Variants in RB1 observed in about 807,000 individuals in gnomAD.
RB1 encodes retinoblastoma-associated protein.
A neutral mutation model predicts 135.4 loss-of-function variants in RB1; 18 were observed. The ratio of observed to expected loss-of-function variants is 0.13; its 90% CI spans 0.09 to 0.20. The LOEUF (loss-of-function observed/expected upper bound fraction) is 0.20. RB1 is among the 10% of genes least tolerant of loss of function. RB1 has a pLI of 1.00. For synonymous variants in RB1, 365 were observed against 373.2 expected (o/e 0.98, Z 0.25); for missense variants, 868 against 1,110.0 (o/e 0.78, Z 3.10).
intron 11 of RB1, among the ~76,000 whole-genome samples, chr13:48,369,509 G>A (rs1952736888): frequency 6.6e-6 from 1 of 152,138 alleles, no homozygotes. Flanking sequence ...TAAACCCACT[G>A]ACTGCTTCCC....
chr13:48,413,314 T>C (rs1782497699), intron 17 of RB1, among the ~76,000 whole-genome samples: 1 of 152,200 alleles, frequency 6.6e-6, no homozygotes, highest in South Asian at 2.1e-4. Context: ...TCTTTTTATG[T>C]GGAAATGCCT....
intron 23 of RB1, among the ~76,000 whole-genome samples, chr13:48,472,995 A>G (rs1384462685): frequency 6.6e-6 from 1 of 152,190 alleles, no homozygotes; most frequent in Non-Finnish European, 1.5e-5. Flanking sequence ...GTTTTTTCCA[A>G]ATATAACTTG....
intron 23 of RB1, among the ~76,000 whole-genome samples, chr13:48,471,507 A>G (rs1284271261): frequency 1.5e-5 from 2 of 133,786 alleles, no homozygotes; most frequent in Non-Finnish European, 3.2e-5. Flanking sequence ...ACATGTATAC[A>G]TATGTAACTA....
At chr13:48,471,468 C>T (rs1384679314) in intron 23 of RB1, among the ~76,000 whole-genome samples, 263 of 120,664 alleles carry the variant, frequency 2.2e-3, no homozygotes, top group African/African-American at 7.6e-3. Context: ...CTAGATGACA[C>T]GTTAGTGGGT....
rs1336506309 is a variant in RB1 at position 48,337,065 on chromosome 13, T to G, written c.265-5534T>G. On this transcript the variant is annotated intron_variant, in intron 2 of 26. Coordinates refer to ENST00000267163, the MANE Select transcript of RB1 (RefSeq NM_000321.3). ...TGAGAGACAGTTTGTTATAATTTCT[T>G]TTCTTTTACATTTGCTGAGGAGAGC... Among the ~76,000 whole-genome samples the G allele has an allele frequency of 7.2e-5, 11 of 152,250 alleles. No homozygotes were observed. In the East Asian group the frequency reaches 9.7e-4, roughly 13 times the overall value.
At chr13:48,451,974 C>T (rs1172596500) in intron 17 of RB1, among the ~76,000 whole-genome samples, 2 of 151,806 alleles carry the variant, frequency 1.3e-5, no homozygotes, top group Non-Finnish European at 2.9e-5. Flanking sequence ...CTTGTCATTT[C>T]TGATTGCGTT....
chr13:48,477,528 A>T (rs113267497), intron 26 of RB1, 124 bp downstream of exon 26: 1 of 773,486 alleles, frequency 1.3e-6, no homozygotes, highest in East Asian at 2.7e-5. Context: ...CATTTAAAAT[A>T]TAATTCAATC....
chr13:48,342,530 C>A, intron 2 of RB1, 69 bp from the exon 3 acceptor site: 1 of 957,414 alleles, frequency 1.0e-6, no homozygotes, highest in South Asian at 1.3e-5. Context: ...AGTTATAATA[C>A]AGTTTTAACA....
At position 48,330,289 on chromosome 13, in the gene RB1, A is replaced by G. The variant is rs183213401; in HGVS notation, c.265-12310A>G. Among the ~76,000 whole-genome samples, 148 of 152,206 alleles carry G rather than the reference A, an allele frequency of 9.7e-4. 1 individual carries two copies. The highest frequency in any genetic ancestry group is 3.4e-3 in the Middle Eastern group (1 of 294). On this transcript the variant is annotated intron_variant, in intron 2 of 26. Coordinates refer to ENST00000267163, the MANE Select transcript of RB1 (RefSeq NM_000321.3). ...AGAACTAGGTAGAAAAAGAACAAAT[A>G]AGCCCAAAGTAATAGAAGGAGGGGG...
chr13:48,479,921 C>T (rs1949527473), intron 26 of RB1, 77 bp from the exon 27 acceptor site: 1 of 1,136,780 alleles, frequency 8.8e-7, no homozygotes, highest in Non-Finnish European at 1.3e-6. Flanking sequence ...TTGACATGAG[C>T]ATAATATATA....
chr13:48,446,340 C>T, intron 17 of RB1, among the ~76,000 whole-genome samples: 1 of 152,196 alleles, frequency 6.6e-6, no homozygotes. Context: ...TCAACCTTCT[C>T]ACTTTATTCA....
At chr13:48,437,559 G>T (rs1949196485) in intron 17 of RB1, among the ~76,000 whole-genome samples, 1 of 152,144 alleles carries the variant, frequency 6.6e-6, no homozygotes, top group South Asian at 2.1e-4. Flanking sequence ...GCTTCACTGG[G>T]ATTGGAGAGT....
chr13:48,436,016 T>C (rs973359268), intron 17 of RB1, among the ~76,000 whole-genome samples: 1 of 152,160 alleles, frequency 6.6e-6, no homozygotes, highest in Admixed American at 6.5e-5. Context: ...AAGAAATCTA[T>C]TGTAAATATA....
At chr13:48,381,162 TC>T in intron 16 of RB1, 84 bp from the exon 17 acceptor site, 2 of 1,493,426 alleles carry the variant, frequency 1.3e-6, no homozygotes, top group Non-Finnish European at 1.8e-6. Context: ...TCTACTGTTT[TC>T]TTTGTCTGAT....
At chr13:48,327,613 T>C (rs2138064459) in intron 2 of RB1, among the ~76,000 whole-genome samples, 1 of 152,332 alleles carries the variant, frequency 6.6e-6, no homozygotes, top group Non-Finnish European at 1.5e-5. Flanking sequence ...AAATGTACTT[T>C]CAGTCAATAG....
At chr13:48,442,107 T>TGCTA (rs1413116371) in intron 17 of RB1, among the ~76,000 whole-genome samples, 2 of 152,204 alleles carry the variant, frequency 1.3e-5, no homozygotes, top group African/African-American at 2.4e-5. Context: ...TATTCAGACA[T>TGCTA]GCTAGCTTCA....
At chr13:48,420,933 T>C (rs1948996009) in intron 17 of RB1, among the ~76,000 whole-genome samples, 1 of 152,134 alleles carries the variant, frequency 6.6e-6, no homozygotes, top group African/African-American at 2.4e-5. Context: ...ATAGGAAGAA[T>C]CAATCTTGTG....
intron 17 of RB1, among the ~76,000 whole-genome samples, chr13:48,451,627 G>C (rs140497446): frequency 0.013 from 1,916 of 152,174 alleles, 43 homozygotes; most frequent in African/African-American, 0.044. Flanking sequence ...GATGATGCTG[G>C]CCTCATAAAA....
At chr13:48,364,789 G>T in intron 8 of RB1, 105 bp from the exon 9 acceptor site, 1 of 1,301,794 alleles carries the variant, frequency 7.7e-7, no homozygotes, top group Non-Finnish European at 1.0e-6. Context: ...ATTTTTTACT[G>T]CATGGGGGAT....
Sources: allele counts gnomAD v4.1 joint callset (sites outside exome capture counted in the v4.1 genomes callset), GRCh38; gene constraint gnomAD v4.1.1; transcripts MANE v1.5; gene names NCBI Gene and HGNC (gene_info 2026-07-23, HGNC 2026-07-21).